DNAAF1: variants seen among roughly 807,000 people sequenced by gnomAD.
DNAAF1 encodes dynein assembly factor 1, axonemal.
Under a neutral mutation model 71.1 loss-of-function variants are expected in DNAAF1, and 65 were observed. The observed-to-expected ratio is 0.91, with a 90% confidence interval of 0.75 to 1.12. The LOEUF (loss-of-function observed/expected upper bound fraction) is 1.12, where lower values mean the gene tolerates loss of function less well. DNAAF1 is among the 50% of genes most tolerant of loss of function. The pLI, the probability that DNAAF1 is intolerant of heterozygous loss-of-function variation, is 0.00. For missense variants in DNAAF1, 1,178 were observed against 899.8 expected, an observed-to-expected ratio of 1.31 and a Z score of -3.96; for synonymous variants, 414 against 354.6, an observed-to-expected ratio of 1.17 and a Z score of -1.88.
chr16:84,160,876 G>A (rs572329802), intron 6 of DNAAF1, among the ~76,000 whole-genome samples: 2 of 151,774 alleles, frequency 1.3e-5, no homozygotes, highest in East Asian at 3.9e-4. Context: ...GGCAGAGCTT[G>A]CAGTGAGCTG....
At chr16:84,175,605 G>C (rs1307640406) in intron 10 of DNAAF1, 2 of 373,722 alleles carry the variant, frequency 5.4e-6, no homozygotes, top group Non-Finnish European at 1.0e-5. Context: ...CTAAGTCCCA[G>C]AGAGTCTGTG....
At position 84,176,256 on chromosome 16, in the gene DNAAF1, C is replaced by G; in HGVS notation, c.2022C>G (p.Ser674=). ...AAAGAGATGCTGCACCACTCACTTC[C>G]AGTGGAGACAGGGACAGCGACTTCC... ...TCQRDAAPLT[S]SGDRDSDFLA... Residue 674 remains serine (S), a synonymous_variant, in exon 11 of 12, where the codon TCC becomes TCG. Transcript: ENST00000378553. The G allele has an allele frequency of 6.2e-7, 1 of 1,613,648 alleles. No individual in the cohort carries two copies. The highest frequency in any genetic ancestry group is 8.5e-7 in the Non-Finnish European group (1 of 1,180,020).
At chr16:84,171,516 C>A (rs141081148) in intron 8 of DNAAF1, among the ~76,000 whole-genome samples, 7 of 152,280 alleles carry the variant, frequency 4.6e-5, no homozygotes, top group African/African-American at 1.7e-4. Flanking sequence ...GGGCTCCTCG[C>A]GATTCCACAT....
chr16:84,174,627 C>A lies in DNAAF1; in HGVS notation c.1645-42C>A, dbSNP rs199514761. ...CGTGCCTATCAGAACGTTGACAGTG[C>A]GTGTACCTCCCTGGTGATGTGCGGC... On this transcript the variant is annotated intron_variant, in intron 9 of 11. Transcript: ENST00000378553. 3.7e-6 allele frequency: 6 copies of A among 1,613,954 alleles called. No homozygotes were observed. The African/African-American group carries it at 8.0e-5, about 22-fold the overall frequency.
At chr16:84,154,972 G>C (rs532889991) in intron 4 of DNAAF1, among the ~76,000 whole-genome samples, 174 bp downstream of exon 4, 1 of 150,288 alleles carries the variant, frequency 6.7e-6, no homozygotes, top group Non-Finnish European at 1.5e-5. Context: ...GCAGTGGCGC[G>C]ATCTCAGCTC....
At chr16:84,177,342 C>G (rs919576076) in intron 11 of DNAAF1, 7 of 347,378 alleles carry the variant, frequency 2.0e-5, no homozygotes, top group African/African-American at 1.3e-4. Flanking sequence ...GTCATGTGAT[C>G]TTGGCTCACT....
chr16:84,159,933 C>T (rs2151235324), intron 6 of DNAAF1, 137 bp downstream of exon 6: 3 of 955,130 alleles, frequency 3.1e-6, no homozygotes, highest in Non-Finnish European at 4.7e-6. Flanking sequence ...TTGATGGCTA[C>T]ATAATTGACT....
Position 84,154,657 on chromosome 16 carries a change from G to A in DNAAF1, c.433G>A (p.Glu145Lys), listed in dbSNP as rs376980896. 51 of 1,614,008 alleles carry A rather than the reference G, an allele frequency of 3.2e-5. No individual in the cohort carries two copies. Among genetic ancestry groups the A allele is most frequent in the Middle Eastern group, 3.3e-4 (2 of 6,084 alleles). Reference protein sequence around the residue: ...WLQSNGIQKIENLEAQTELRC... With the variant: ...WLQSNGIQKIKNLEAQTELRC... ...GCAGAGCAATGGAATACAGAAAATCGAAAACCTGGAGGCCCAAACTGAGTT... is the reference window on the plus strand; with the variant it reads ...GCAGAGCAATGGAATACAGAAAATCAAAAACCTGGAGGCCCAAACTGAGTT... The change falls in exon 4 of 12, where the codon GAA becomes AAA. Residue 145 changes from glutamate (E) to lysine (K), a missense_variant. Physicochemically the swap from Glu to Lys is moderately conservative, Grantham distance 56. Transcript: ENST00000378553.
rs149367386 is a variant in DNAAF1, at chr16:84,148,818, G to A, written c.125-189G>A. Among the ~76,000 whole-genome samples, 585 of 151,176 alleles carry A rather than the reference G, an allele frequency of 3.9e-3. 2 individuals are homozygous for A. Among genetic ancestry groups the A allele is most frequent in the Middle Eastern group, 0.014 (4 of 294 alleles). ...TTGCTCAGGCTGGTCTCAAACACCT[G>A]GGCTCGAGCAATCTACCTGCCTCAG... On this transcript the variant is annotated intron_variant, in intron 1 of 11. Transcript: ENST00000378553.
intron 10 of DNAAF1, among the ~76,000 whole-genome samples, chr16:84,175,013 G>A (rs1008550463): frequency 6.6e-5 from 10 of 151,786 alleles, no homozygotes; most frequent in African/African-American, 2.2e-4. Flanking sequence ...GAGCCACCAC[G>A]CCCAGCTAAT....
At chr16:84,172,986 T>A in intron 9 of DNAAF1, 1 of 996,280 alleles carries the variant, frequency 1.0e-6, no homozygotes, top group Non-Finnish European at 1.2e-6. Context: ...CCATGGGAAT[T>A]CACACATTGT....
At chr16:84,156,469 T>A (rs577899207) in intron 5 of DNAAF1, among the ~76,000 whole-genome samples, 1 of 152,320 alleles carries the variant, frequency 6.6e-6, no homozygotes, top group African/African-American at 2.4e-5. Flanking sequence ...CACTGCCAGC[T>A]CCTCACATCC....
At chr16:84,161,134 G>A (rs1286129671) in intron 6 of DNAAF1, among the ~76,000 whole-genome samples, 7 of 152,212 alleles carry the variant, frequency 4.6e-5, no homozygotes, top group South Asian at 4.2e-4. Context: ...CTCCCTGGGC[G>A]CACGTTCCTC....
intron 6 of DNAAF1, among the ~76,000 whole-genome samples, chr16:84,160,862 G>A (rs1285302959): frequency 2.6e-5 from 4 of 151,892 alleles, no homozygotes; most frequent in East Asian, 1.9e-4. Flanking sequence ...GCATAAACCC[G>A]GGAGGCAGAG....
At chr16:84,177,400 G>T in intron 11 of DNAAF1, 1 of 364,658 alleles carries the variant, frequency 2.7e-6, no homozygotes, top group Non-Finnish European at 5.4e-6. Context: ...CTCCGCCTCT[G>T]AAGTAGCTGG....
At chr16:84,145,605 G>T in intron 1 of DNAAF1, 41 bp downstream of exon 1, 1 of 1,538,998 alleles carries the variant, frequency 6.5e-7, no homozygotes, top group South Asian at 1.2e-5. Context: ...GCGAGGGGCA[G>T]ACACGGCTAG....
chr16:84,176,401 T>C (rs2088661795), intron 11 of DNAAF1, 102 bp downstream of exon 11: 35 of 1,558,138 alleles, frequency 2.2e-5, no homozygotes, highest in Admixed American at 3.4e-5. Flanking sequence ...AGCTTTCATG[T>C]TGCTGGAGGG....
At position 84,163,139 on chromosome 16, in the gene DNAAF1, T is replaced by C. The variant is rs567099690; in HGVS notation, c.864-2644T>C. ...ATTAGGGTTGTTTTCACTTTTTGCCTGTTGTGAATAATGAAGTTTTTGTGT... is the reference window on the plus strand; with the variant it reads ...ATTAGGGTTGTTTTCACTTTTTGCCCGTTGTGAATAATGAAGTTTTTGTGT... On this transcript the variant is annotated intron_variant, in intron 6 of 11. Transcript: ENST00000378553. 2.0e-5 allele frequency among the ~76,000 whole-genome samples: 3 copies of C among 152,360 alleles called. No individual in the cohort carries two copies. In the South Asian group the frequency reaches 6.2e-4, roughly 32 times the overall value.
At chr16:84,176,378 C>T (rs2088659563) in intron 11 of DNAAF1, 79 bp downstream of exon 11, 8 of 1,598,916 alleles carry the variant, frequency 5.0e-6, no homozygotes, top group South Asian at 1.1e-5. Context: ...GGCAGTCACT[C>T]AGCCTTACCC....
Sources: allele counts gnomAD v4.1 joint callset (sites outside exome capture counted in the v4.1 genomes callset), GRCh38; gene constraint gnomAD v4.1.1; transcripts MANE v1.5; gene names NCBI Gene and HGNC (gene_info 2026-07-23, HGNC 2026-07-21).